Variants in LRTM1 observed in about 807,000 individuals in gnomAD.
LRTM1 encodes leucine-rich repeat and transmembrane domain-containing protein 1.
A neutral mutation model predicts 32.4 loss-of-function variants in LRTM1; 38 were observed. The observed-to-expected ratio is 1.17, with a 90% CI of 0.91 to 1.54. The LOEUF is 1.54. LRTM1 is among the 40% of genes most tolerant of loss of function. The pLI, the probability that LRTM1 is intolerant of heterozygous loss-of-function variation, is 0.00. For synonymous variants in LRTM1, 186 were observed against 169.9 expected, an observed-to-expected ratio of 1.09 and a Z score of -0.74; for missense variants, 466 against 415.4, an observed-to-expected ratio of 1.12 and a Z score of -1.06.
rs541008131 is a variant in LRTM1, at chr3:54,955,370, C to T, written c.-222+11558G>A. ...GTCTGTCTGGGCTGGTGATGACTCCCACTCTCTTCTCTGGTCATTGATCTT... is the reference window on the plus strand; with the variant it reads ...GTCTGTCTGGGCTGGTGATGACTCCTACTCTCTTCTCTGGTCATTGATCTT... On this transcript the variant is annotated intron_variant, in intron 1 of 2. Coordinates refer to the LRTM1 transcript ENST00000493075. Among the ~76,000 whole-genome samples the T allele has an allele frequency of 5.9e-5, 9 of 152,250 alleles. No individual in the cohort carries two copies. In the South Asian group the frequency reaches 1.9e-3, roughly 32 times the overall value.
In LRTM1 at chr3:54,918,800, G is replaced by C. The variant is rs1189551019; in HGVS notation, c.697C>G (p.Pro233Ala). 2 of 1,613,710 alleles carry C rather than the reference G, an allele frequency of 1.2e-6. No homozygotes were observed. Among genetic ancestry groups the C allele is most frequent in the African/African-American group, 2.7e-5 (2 of 74,910 alleles). The change falls in exon 3 of 3, where the codon CCT (proline) becomes GCT (alanine). Residue 233 changes from proline (P) to alanine (A), a missense_variant. Transcript: ENST00000273286. ...RIPHELYQPC[P>A]LPAPDPVSSQ... ...GACACTGGATCAGGAGCAGGAAGAG[G>C]GCAGGGCTGGTACAGCTCATGAGGG...
chr3:54,946,180 TC>T (rs1323541087), intron 1 of LRTM1, among the ~76,000 whole-genome samples: 2 of 152,130 alleles, frequency 1.3e-5, no homozygotes, highest in African/African-American at 4.8e-5. Context: ...TCATGTTCTT[TC>T]CCTGCCTCTC....
chr3:54,932,155 G>C (rs1701206138), upstream of LRTM1, among the ~76,000 whole-genome samples: 1 of 151,890 alleles, frequency 6.6e-6, no homozygotes, highest in Admixed American at 6.6e-5. Flanking sequence ...CAGCAGCCTG[G>C]GCAACAGAGT....
intron 1 of LRTM1, among the ~76,000 whole-genome samples, chr3:54,946,486 G>A (rs1515957): frequency 0.037 from 5,661 of 152,282 alleles, 272 homozygotes; most frequent in African/African-American, 0.11. Flanking sequence ...AAAATGAAAG[G>A]AGGGGGGATG....
chr3:54,943,015 C>G (rs1172440837), intron 1 of LRTM1, among the ~76,000 whole-genome samples: 1 of 151,920 alleles, frequency 6.6e-6, no homozygotes, highest in Non-Finnish European at 1.5e-5. Context: ...CAGAGCAACA[C>G]TCCATCTCAA....
At chr3:54,951,644 C>T (rs1353187189) in intron 1 of LRTM1, among the ~76,000 whole-genome samples, 1 of 151,044 alleles carries the variant, frequency 6.6e-6, no homozygotes, top group Non-Finnish European at 1.5e-5. Context: ...GTGCAGGGCT[C>T]CAGTCCCAGT....
At chr3:54,936,639 A>G (rs147577270) in intron 1 of LRTM1, among the ~76,000 whole-genome samples, 19 of 152,150 alleles carry the variant, frequency 1.2e-4, no homozygotes, top group African/African-American at 4.6e-4. Flanking sequence ...TACCTACTAC[A>G]TGCTCGTGCT....
rs756481420 is a variant in LRTM1, at chr3:54,925,001, T to C, written c.222A>G (p.Pro74=). ...HLPAFAFRSV[P]WLMTLNLSNN... is the part of the protein sequence containing the mutation. ...TGGACAAGTTTAAGGTCATGAGCCA[T>C]GGCACTGACCTAAATGCAAAAGCAG... Residue 74 remains proline (P), a synonymous_variant, in exon 2 of 3, where the codon CCA becomes CCG. Coordinates refer to ENST00000273286, the MANE Select transcript of LRTM1 (RefSeq NM_020678.4). 2.5e-6 allele frequency: 4 copies of C among 1,614,062 alleles called. No homozygotes were observed. The Admixed American group carries it at 6.7e-5, about 27-fold the overall frequency.
chr3:54,957,475 G>A (rs1701928307), intron 1 of LRTM1, among the ~76,000 whole-genome samples: 1 of 152,170 alleles, frequency 6.6e-6, no homozygotes, highest in African/African-American at 2.4e-5. Flanking sequence ...CATGGAATAA[G>A]TCTTAGGTAA....
chr3:54,952,997 T>C (rs535844152), intron 1 of LRTM1, among the ~76,000 whole-genome samples: 1 of 152,166 alleles, frequency 6.6e-6, no homozygotes, highest in East Asian at 1.9e-4. Flanking sequence ...AGTGGATGGA[T>C]TGTTGAGCAG....
upstream of LRTM1, among the ~76,000 whole-genome samples, chr3:54,931,403 A>C (rs952262745): frequency 1.3e-5 from 2 of 152,228 alleles, no homozygotes; most frequent in African/African-American, 4.8e-5. Flanking sequence ...AGCCAAGAGA[A>C]CAAAGGGAGG....
At chr3:54,934,570 A>C (rs1477112665) in intron 1 of LRTM1, among the ~76,000 whole-genome samples, 1 of 152,194 alleles carries the variant, frequency 6.6e-6, no homozygotes, top group Non-Finnish European at 1.5e-5. Flanking sequence ...GTATGCCTCC[A>C]GCCTCCCTAA....
At chr3:54,963,023 G>A (rs891634243) in intron 1 of LRTM1, among the ~76,000 whole-genome samples, 1 of 152,116 alleles carries the variant, frequency 6.6e-6, no homozygotes, top group Non-Finnish European at 1.5e-5. Flanking sequence ...CTATTAACAT[G>A]ATATGAGATG....
chr3:54,956,851 G>T (rs1424574094), intron 1 of LRTM1, among the ~76,000 whole-genome samples: 3 of 151,922 alleles, frequency 2.0e-5, no homozygotes, highest in Non-Finnish European at 4.4e-5. Flanking sequence ...TTATCTGACA[G>T]AAAAGAACAC....
At chr3:54,937,146 G>A (rs1458872632) in intron 1 of LRTM1, among the ~76,000 whole-genome samples, 2 of 152,162 alleles carry the variant, frequency 1.3e-5, no homozygotes, top group Non-Finnish European at 2.9e-5. Context: ...TAAAAATAAG[G>A]TGTGCTCAAG....
At chr3:54,932,842 G>A (rs1410471103), upstream of LRTM1, among the ~76,000 whole-genome samples, 1 of 152,202 alleles carries the variant, frequency 6.6e-6, no homozygotes, top group Non-Finnish European at 1.5e-5. Context: ...AGTGACAGCT[G>A]CAGCCAGGAA....
chr3:54,940,883 T>C (rs1439667126), intron 1 of LRTM1, among the ~76,000 whole-genome samples: 1 of 152,190 alleles, frequency 6.6e-6, no homozygotes, highest in East Asian at 1.9e-4. Flanking sequence ...GCCAAAGGTA[T>C]CTGTATGTTT....
intron 1 of LRTM1, among the ~76,000 whole-genome samples, chr3:54,953,763 TGTGG>T (rs1333394953): frequency 6.6e-6 from 1 of 152,142 alleles, no homozygotes; most frequent in African/African-American, 2.4e-5. Flanking sequence ...CTTGACAGGC[TGTGG>T]GAATCACTGG....
intron 1 of LRTM1, among the ~76,000 whole-genome samples, chr3:54,962,432 T>A (rs908104233): frequency 6.6e-6 from 1 of 152,168 alleles, no homozygotes; most frequent in African/African-American, 2.4e-5. Flanking sequence ...ATATTAGCCA[T>A]GAAACATAAG....
Sources: allele counts gnomAD v4.1 joint callset (sites outside exome capture counted in the v4.1 genomes callset), GRCh38; gene constraint gnomAD v4.1.1; transcripts MANE v1.5; gene names NCBI Gene and HGNC (gene_info 2026-07-23, HGNC 2026-07-21).